PDE6D: variants seen among roughly 807,000 people sequenced by gnomAD.
PDE6D encodes phosphodiesterase 6D.
In PDE6D, 10 loss-of-function variants were observed where a neutral mutation model predicts 21.9. The observed-to-expected ratio is 0.46, with a 90% CI of 0.28 to 0.78. The LOEUF (loss-of-function observed/expected upper bound fraction) is 0.78. Among genes scored for constraint, PDE6D ranks in the 30% least tolerant of loss-of-function variants. The pLI, the probability that PDE6D is intolerant of heterozygous loss-of-function variation, is 0.12. For synonymous variants in PDE6D, 59 were observed against 63.5 expected (o/e 0.93, Z 0.34); for missense variants, 139 against 184.8 (o/e 0.75, Z 1.44).
In PDE6D at chr2:231,750,189, G is replaced by A. The variant is rs577604455; in HGVS notation, c.51-11001C>T. 2.2e-4 allele frequency among the ~76,000 whole-genome samples: 34 copies of A among 152,014 alleles called. 1 individual carries two copies. In the East Asian group the frequency reaches 5.8e-3, roughly 26 times the overall value. On this transcript the variant is annotated intron_variant, in intron 1 of 4. Coordinates refer to ENST00000287600, the MANE Select transcript of PDE6D (RefSeq NM_002601.4). ...TGCTGCTGTCATGTAAGAGCCTTTC[G>A]CCTCCCGCCATGATTGTGAGGTCAC...
intron 1 of PDE6D, among the ~76,000 whole-genome samples, chr2:231,743,566 G>A (rs868039798): frequency 2.6e-5 from 4 of 151,846 alleles, no homozygotes; most frequent in South Asian, 2.1e-4. Context: ...ATGTACTGTC[G>A]CTTTCAGATC....
chr2:231,746,291 G>A (rs1385280763), intron 1 of PDE6D, among the ~76,000 whole-genome samples: 1 of 151,884 alleles, frequency 6.6e-6, no homozygotes, highest in African/African-American at 2.4e-5. Flanking sequence ...ACATGTGCCC[G>A]CCCCCATGTC....
At chr2:231,760,687 C>T (rs961327905) in intron 1 of PDE6D, among the ~76,000 whole-genome samples, 2 of 152,172 alleles carry the variant, frequency 1.3e-5, no homozygotes, top group Non-Finnish European at 2.9e-5. Flanking sequence ...TCCTCTAGCA[C>T]ATGAGATTAG....
chr2:231,763,670 C>G (rs1256074865), intron 1 of PDE6D, among the ~76,000 whole-genome samples: 2 of 146,894 alleles, frequency 1.4e-5, no homozygotes, highest in African/African-American at 5.0e-5. Flanking sequence ...GGGTCTCACT[C>G]TGTTGCCCAG....
At chr2:231,747,866 A>C (rs1389349449) in intron 1 of PDE6D, among the ~76,000 whole-genome samples, 1 of 152,210 alleles carries the variant, frequency 6.6e-6, no homozygotes, top group Non-Finnish European at 1.5e-5. Context: ...GGGAACACTG[A>C]GTCCACAATG....
intron 4 of PDE6D, among the ~76,000 whole-genome samples, chr2:231,734,058 A>C (rs2048673307): frequency 6.6e-6 from 1 of 151,776 alleles, no homozygotes; most frequent in Non-Finnish European, 1.5e-5. Flanking sequence ...CTAAAAATAC[A>C]AAAAAATTAG....
At chr2:231,753,424 G>T (rs2048858543) in intron 1 of PDE6D, among the ~76,000 whole-genome samples, 1 of 151,820 alleles carries the variant, frequency 6.6e-6, no homozygotes, top group Non-Finnish European at 1.5e-5. Flanking sequence ...GGCGGCACGC[G>T]CCTGTAGTCC....
intron 1 of PDE6D, among the ~76,000 whole-genome samples, chr2:231,775,790 G>A (rs1341685973): frequency 3.3e-5 from 5 of 151,362 alleles, no homozygotes; most frequent in Admixed American, 2.0e-4. Flanking sequence ...AATATCTGAC[G>A]TATAAATGAA....
At chr2:231,771,206 T>C (rs1027883094) in intron 1 of PDE6D, among the ~76,000 whole-genome samples, 3 of 151,996 alleles carry the variant, frequency 2.0e-5, no homozygotes, top group African/African-American at 7.2e-5. Flanking sequence ...TGACCTCAAG[T>C]GATCTGCCCA....
chr2:231,751,080 C>T (rs767076903), intron 1 of PDE6D, among the ~76,000 whole-genome samples: 9 of 151,894 alleles, frequency 5.9e-5, no homozygotes, highest in Non-Finnish European at 1.0e-4. Flanking sequence ...TATCAATTCA[C>T]CAAGAAATAA....
At chr2:231,733,195 A>C (rs941676790) in intron 4 of PDE6D, among the ~76,000 whole-genome samples, 162 bp from the exon 5 acceptor site, 6 of 152,166 alleles carry the variant, frequency 3.9e-5, no homozygotes, top group African/African-American at 1.4e-4. Context: ...ATATGGGGCT[A>C]CAAGTCTAAC....
rs922342051 is a variant in PDE6D at position 231,753,586 on chromosome 2, C to A, written c.51-14398G>T. 4.6e-5 allele frequency among the ~76,000 whole-genome samples: 7 copies of A among 150,764 alleles called. No homozygotes were observed. In the South Asian group the frequency reaches 1.5e-3, roughly 31 times the overall value. Reference sequence around the variant, plus strand: ...AAATAAATAAATAAAAATAAATAAACAAACAAATAAAAATAAATAAATAAT... The same window carrying A: ...AAATAAATAAATAAAAATAAATAAAAAAACAAATAAAAATAAATAAATAAT... On this transcript the variant is annotated intron_variant, in intron 1 of 4. Coordinates refer to ENST00000287600, the MANE Select transcript of PDE6D (RefSeq NM_002601.4).
chr2:231,759,725 A>G (rs1396052831), intron 1 of PDE6D, among the ~76,000 whole-genome samples: 2 of 152,184 alleles, frequency 1.3e-5, no homozygotes, highest in Non-Finnish European at 2.9e-5. Flanking sequence ...CCCCAGGAGT[A>G]TAAGTCTCCC....
intron 1 of PDE6D, among the ~76,000 whole-genome samples, chr2:231,749,073 A>T (rs1209224949): frequency 6.6e-6 from 1 of 152,186 alleles, no homozygotes; most frequent in African/African-American, 2.4e-5. Flanking sequence ...AGCTGCGAGA[A>T]GAGGTCCACT....
At position 231,761,880 on chromosome 2, in the gene PDE6D, G is replaced by T. The variant is rs1406360585; in HGVS notation, c.50+19185C>A. Reference sequence around the variant, plus strand: ...AAATAACAGAGCTAACATTCAGACAGAGGTCTGTTCACACTACATACCCTT... The same window carrying T: ...AAATAACAGAGCTAACATTCAGACATAGGTCTGTTCACACTACATACCCTT... On this transcript the variant is annotated intron_variant, in intron 1 of 4. Coordinates refer to ENST00000287600, the MANE Select transcript of PDE6D (RefSeq NM_002601.4). Among the ~76,000 whole-genome samples, 5 of 152,280 alleles carry T rather than the reference G, an allele frequency of 3.3e-5. No homozygotes were observed. In the East Asian group the frequency reaches 5.8e-4, roughly 18 times the overall value.
At position 231,781,052 on chromosome 2, in the gene PDE6D, C is replaced by T. The variant is rs2049118262; in HGVS notation, c.50+13G>A. The T allele has an allele frequency of 6.2e-7, 1 of 1,611,334 alleles. No individual in the cohort carries two copies. Among genetic ancestry groups the T allele is most frequent in the Non-Finnish European group, 8.5e-7 (1 of 1,178,202 alleles). On this transcript the variant is annotated intron_variant, in intron 1 of 4. Coordinates refer to ENST00000287600, the MANE Select transcript of PDE6D (RefSeq NM_002601.4). ...CAAGTCCTCCCGGCCCCGCCCCGCT[C>T]CCGGACGGATACAGTTTGAAGCCCC...
At chr2:231,751,069 A>T (rs756996044) in intron 1 of PDE6D, among the ~76,000 whole-genome samples, 1 of 152,150 alleles carries the variant, frequency 6.6e-6, no homozygotes, top group Non-Finnish European at 1.5e-5. Flanking sequence ...ATTTCAATTC[A>T]TATCAATTCA....
chr2:231,745,309 A>C (rs2048785322), intron 1 of PDE6D, among the ~76,000 whole-genome samples: 1 of 152,246 alleles, frequency 6.6e-6, no homozygotes, highest in African/African-American at 2.4e-5. Context: ...TCATCTGGCT[A>C]AAAACATATT....
Position 231,739,124 on chromosome 2 carries a change from AC to A in PDE6D, c.114del (p.Ser39LeufsTer49), listed in dbSNP as rs772392692. ...GKILWQGTED[L>X]SVPGVEHEAR... ...CCTTCATGCTCCACACCAGGGACAG[AC>A]AGGTCTTCTGTTCCTTGCCAGAGTA... is the stretch of plus-strand genomic sequence containing the variant. On this transcript the variant is annotated frameshift_variant, in exon 2 of 5. Transcript: ENST00000287600. LOFTEE classifies it high-confidence loss of function. The surrounding 1 kb of genome is among the most constrained non-coding windows in gnomAD (Gnocchi z 4.2). The A allele has an allele frequency of 5.0e-6, 8 of 1,612,658 alleles. No homozygotes were observed. Among genetic ancestry groups the A allele is most frequent in the Non-Finnish European group, 5.9e-6 (7 of 1,178,704 alleles).
Sources: gnomAD v4.1 joint callset for allele counts (sites outside exome capture counted in the v4.1 genomes callset) on GRCh38, gnomAD v4.1.1 for gene constraint, Gnocchi (gnomAD v3.1) non-coding constraint, MANE v1.5 for transcripts, NCBI Gene and HGNC (gene_info 2026-07-23, HGNC 2026-07-21) for gene names.